Variants in DMD observed in about 807,000 individuals in gnomAD.
DMD encodes the protein dystrophin.
DMD carries 63 observed loss-of-function variants against 330.1 expected under a neutral mutation model. The ratio of observed to expected loss-of-function variants is 0.19; its 90% CI spans 0.16 to 0.24. The LOEUF (loss-of-function observed/expected upper bound fraction) is 0.24. Among genes scored for constraint, DMD ranks in the 10% least tolerant of loss-of-function variants. The pLI, the probability that DMD is intolerant of heterozygous loss-of-function variation, is 1.00. For missense variants in DMD, 3,344 were observed against 2,684.1 expected (o/e 1.25, Z -5.43); for synonymous variants, 1,223 against 959.8 (o/e 1.27, Z -5.07).
Position 32,448,599 on chromosome X carries a change from T to C in DMD, c.3643A>G (p.Lys1215Glu), listed in dbSNP as rs1232279975. ...CTATTTACAGACTCAGTAAGGAGTT[T>C]CACTTTCGCTTCTTTTTGTTGGGCC... ...EEAQQKEAKVKLLTESVNSVI... is the reference protein window; with the variant it reads ...EEAQQKEAKVELLTESVNSVI... The change falls in exon 27 of 79, where the codon AAA (lysine) becomes GAA (glutamate). Residue 1215 changes from lysine (K) to glutamate (E), a missense_variant. Coordinates refer to ENST00000357033, the MANE Select transcript of DMD (RefSeq NM_004006.3). The C allele has an allele frequency of 8.3e-7, 1 of 1,208,238 alleles. No homozygotes were observed. Among genetic ancestry groups the C allele is most frequent in the East Asian group, 3.0e-5 (1 of 33,729 alleles).
At chrX:31,990,278 TC>T (rs1303921183) in intron 44 of DMD, among the ~76,000 whole-genome samples, 1 of 112,081 alleles carries the variant, frequency 8.9e-6, no homozygotes, top group Non-Finnish European at 1.9e-5. Context: ...TTTAAAAGGT[TC>T]TTTTCCTAGA....
intron 27 of DMD, among the ~76,000 whole-genome samples, chrX:32,442,630 C>A (rs192788559): frequency 2.1e-4 from 23 of 110,628 alleles, no homozygotes; most frequent in African/African-American, 6.8e-4. Flanking sequence ...ATCAAGACAA[C>A]AACTCCACTT....
At chrX:32,227,264 C>CATATATATATATATATAT (rs57305198) in intron 43 of DMD, among the ~76,000 whole-genome samples, 2 of 35,873 alleles carry the variant, frequency 5.6e-5, no homozygotes, top group African/African-American at 8.1e-5. Context: ...TAAGTCTAAG[C>CATATATATATATATATAT]ATATATATAT....
At chrX:32,629,218 A>T (rs2058572864) in intron 11 of DMD, among the ~76,000 whole-genome samples, 2 of 111,661 alleles carry the variant, frequency 1.8e-5, no homozygotes, top group Non-Finnish European at 3.8e-5. Context: ...ATATTTATTT[A>T]CAATTGTTAT....
intron 44 of DMD, among the ~76,000 whole-genome samples, chrX:32,140,506 T>C (rs2096747338): frequency 8.9e-6 from 1 of 112,503 alleles, no homozygotes; most frequent in Admixed American, 9.4e-5. Flanking sequence ...TTGATAAGGA[T>C]ATAGTTTCTA....
chrX:31,518,678 G>A (rs767353927), intron 55 of DMD, among the ~76,000 whole-genome samples: 86 of 110,217 alleles, frequency 7.8e-4, no homozygotes, highest in Non-Finnish European at 1.3e-3. Flanking sequence ...GTAGGGTAGG[G>A]GGATGAAACA....
At chrX:33,006,371 C>G (rs1233041315) in intron 2 of DMD, among the ~76,000 whole-genome samples, 1 of 111,901 alleles carries the variant, frequency 8.9e-6, no homozygotes, top group Admixed American at 9.5e-5. Flanking sequence ...GTAATCAAGA[C>G]AGTGTATTGG....
chrX:32,818,799 CACCCTCTCTAGGGCA>C (rs2077970581), intron 5 of DMD, among the ~76,000 whole-genome samples: 1 of 109,845 alleles, frequency 9.1e-6, no homozygotes, highest in Non-Finnish European at 1.9e-5. Context: ...GCCAATGTCA[CACCCTCTCTAGGGCA>C]ACCCACTACT....
chrX:32,858,813 C>A (rs1219549482), intron 2 of DMD, among the ~76,000 whole-genome samples: 1 of 110,711 alleles, frequency 9.0e-6, no homozygotes, highest in Non-Finnish European at 1.9e-5. Context: ...CATACTATTT[C>A]TCTTGGATGG....
intron 64 of DMD, among the ~76,000 whole-genome samples, chrX:31,212,156 A>T (rs1388023596): frequency 1.3e-5 from 1 of 76,985 alleles, no homozygotes; most frequent in Non-Finnish European, 2.5e-5. Flanking sequence ...TTATATATAT[A>T]TATATATATA....
intron 55 of DMD, among the ~76,000 whole-genome samples, chrX:31,622,869 T>C (rs866013242): frequency 0.067 from 5,816 of 86,343 alleles, 267 homozygotes; most frequent in Admixed American, 0.17. Context: ...TATATATATA[T>C]ATATATATAC....
At chrX:31,473,956 A>C (rs2067533336) in intron 59 of DMD, among the ~76,000 whole-genome samples, 1 of 111,851 alleles carries the variant, frequency 8.9e-6, no homozygotes, top group Non-Finnish European at 1.9e-5. Context: ...ATTTTCAGTA[A>C]AGTGAAAAGT....
chrX:32,342,664 G>A (rs974769214), intron 40 of DMD: 2 of 259,225 alleles, frequency 7.7e-6, no homozygotes, highest in Admixed American at 6.3e-5. Flanking sequence ...CTTTTTAAAG[G>A]TTTGAGGAAC....
chrX:31,610,905 C>T (rs982187201), intron 55 of DMD, among the ~76,000 whole-genome samples: 2 of 111,052 alleles, frequency 1.8e-5, no homozygotes, highest in Non-Finnish European at 3.8e-5. Context: ...TGTCATCTGG[C>T]TTAGCTTTTC....
At chrX:32,283,480 T>G (rs1308768213) in intron 43 of DMD, among the ~76,000 whole-genome samples, 1 of 112,099 alleles carries the variant, frequency 8.9e-6, no homozygotes, top group Non-Finnish European at 1.9e-5. Flanking sequence ...TACTGAACAT[T>G]TGTGTATTCA....
At chrX:32,543,535 C>A (rs962591009) in intron 17 of DMD, among the ~76,000 whole-genome samples, 1 of 111,792 alleles carries the variant, frequency 8.9e-6, no homozygotes, top group Non-Finnish European at 1.9e-5. Context: ...GCAAAGTATC[C>A]ATAAATCTGT....
At chrX:31,542,336 T>A (rs1569550463) in intron 55 of DMD, among the ~76,000 whole-genome samples, 1 of 111,765 alleles carries the variant, frequency 8.9e-6, no homozygotes, top group African/African-American at 3.3e-5. Context: ...GCATGTACGA[T>A]AACATTGGGA....
chrX:31,710,110 T>C (rs1288970415), intron 52 of DMD, among the ~76,000 whole-genome samples: 1 of 111,840 alleles, frequency 8.9e-6, no homozygotes, highest in Non-Finnish European at 1.9e-5. Flanking sequence ...GGAAGCAAGA[T>C]GTCCGGGAAT....
At chrX:31,741,635 A>G (rs115228660) in intron 51 of DMD, among the ~76,000 whole-genome samples, 10,361 of 109,893 alleles carry the variant, frequency 0.094, 433 homozygotes, top group African/African-American at 0.15. Context: ...AGAGATGTGC[A>G]GTCATCTAGT....
Sources: gnomAD v4.1 joint callset for allele counts (sites outside exome capture counted in the v4.1 genomes callset) on GRCh38, gnomAD v4.1.1 for gene constraint, MANE v1.5 for transcripts, NCBI Gene and HGNC (gene_info 2026-07-23, HGNC 2026-07-21) for gene names.